The following UAP1 variants were observed in gnomAD, a reference collection of about 807,000 sequenced individuals.
The protein encoded by UAP1 is UDP-N-acetylhexosamine pyrophosphorylase.
UAP1 carries 25 observed loss-of-function variants against 58.5 expected under a neutral mutation model. That is an observed-to-expected ratio of 0.43 (90% CI 0.31 to 0.60). The LOEUF (loss-of-function observed/expected upper bound fraction) is 0.60, where lower values mean the gene tolerates loss of function less well. Among genes scored for constraint, UAP1 ranks in the 20% least tolerant of loss-of-function variants. The probability of loss-of-function intolerance (pLI) is 0.11; values close to 1 mark genes in which losing one functional copy is unlikely to be tolerated. For missense variants in UAP1, 575 were observed against 630.0 expected, an observed-to-expected ratio of 0.91 and a Z score of 0.93; for synonymous variants, 208 against 213.0, an observed-to-expected ratio of 0.98 and a Z score of 0.21.
chr1:162,565,959 C>A, intron 1 of UAP1, 53 bp from the exon 2 acceptor site: 1 of 1,221,354 alleles, frequency 8.2e-7, no homozygotes, highest in Non-Finnish European at 1.1e-6. Context: ...GAAAAAAGCC[C>A]TCAATTTTGG....
intron 5 of UAP1, among the ~76,000 whole-genome samples, chr1:162,582,323 G>T (rs2101793547): frequency 6.6e-6 from 1 of 152,196 alleles, no homozygotes; most frequent in African/African-American, 2.4e-5. Context: ...GAAAAAGGAT[G>T]AAGATAAGGG....
In UAP1 at chr1:162,574,064, A is replaced by T. The variant is rs372313407; in HGVS notation, c.281-2713A>T. 6.2e-4 allele frequency among the ~76,000 whole-genome samples: 93 copies of T among 151,178 alleles called. 1 individual carries two copies. The highest frequency in any genetic ancestry group is 2.3e-3 in the African/African-American group (93 of 41,314). On this transcript the variant is annotated intron_variant, in intron 2 of 10. Transcript: ENST00000271469. ...TAGAGTCAGAACTGGCTCTAAATTT[A>T]TAATGGAGTTATTTTTTTCTTTTCT...
chr1:162,594,299 A>G (rs1282967094), intron 9 of UAP1, among the ~76,000 whole-genome samples: 2 of 152,176 alleles, frequency 1.3e-5, no homozygotes, highest in African/African-American at 2.4e-5. Flanking sequence ...GATCCCTTAC[A>G]TGGGCAGTTC....
intron 5 of UAP1, 28 bp downstream of exon 5, chr1:162,581,487 C>G (rs775533322): frequency 6.2e-7 from 1 of 1,600,994 alleles, no homozygotes; most frequent in Non-Finnish European, 8.5e-7. Flanking sequence ...TATGGTGAGG[C>G]TTTTGATGGT....
intron 2 of UAP1, among the ~76,000 whole-genome samples, chr1:162,569,364 A>G (rs1242283743): frequency 1.3e-5 from 2 of 152,220 alleles, no homozygotes; most frequent in African/African-American, 4.8e-5. Context: ...ACTGGAGTGG[A>G]AAATTATTTA....
chr1:162,562,708 T>C (rs1653234343), intron 1 of UAP1, among the ~76,000 whole-genome samples: 2 of 152,208 alleles, frequency 1.3e-5, no homozygotes, highest in Non-Finnish European at 2.9e-5. Context: ...TGTCTATTCC[T>C]TCACGGTTAG....
downstream of UAP1, among the ~76,000 whole-genome samples, chr1:162,600,403 A>G (rs1172597193): frequency 1.3e-5 from 2 of 152,200 alleles, no homozygotes; most frequent in Admixed American, 6.5e-5. Context: ...AATATGGGCC[A>G]TAGATCATTG....
intron 5 of UAP1, among the ~76,000 whole-genome samples, chr1:162,583,505 T>C (rs1654729099): frequency 6.6e-6 from 1 of 152,020 alleles, no homozygotes. Flanking sequence ...TGTTACGAGC[T>C]TCAGAACCAA....
At chr1:162,582,462 G>T (rs1411263455) in intron 5 of UAP1, among the ~76,000 whole-genome samples, 1 of 152,214 alleles carries the variant, frequency 6.6e-6, no homozygotes, top group African/African-American at 2.4e-5. Flanking sequence ...ACACATCTGT[G>T]TATGTATAAG....
chr1:162,592,552 T>A (rs1655378514), intron 8 of UAP1, among the ~76,000 whole-genome samples, 180 bp from the exon 9 acceptor site: 1 of 151,928 alleles, frequency 6.6e-6, no homozygotes, highest in South Asian at 2.1e-4. Context: ...ATTGTCCTCA[T>A]GTTTCATCTT....
exon 5 of UAP1, chr1:162,581,455 C>T (rs1490564787): frequency 1.2e-6 from 2 of 1,613,296 alleles, no homozygotes; most frequent in Non-Finnish European, 1.7e-6. Context: ...GACTGTGGAG[C>T]AAAGGTAATG....
At chr1:162,592,593 C>T (rs746242964) in intron 8 of UAP1, 139 bp from the exon 9 acceptor site, 7 of 636,090 alleles carry the variant, frequency 1.1e-5, no homozygotes, top group Non-Finnish European at 2.0e-5. Flanking sequence ...TATTTTTTTA[C>T]CCCCTTTTGG....
intron 3 of UAP1, among the ~76,000 whole-genome samples, chr1:162,577,980 C>A (rs565485661): frequency 2.2e-4 from 34 of 152,146 alleles, no homozygotes; most frequent in Admixed American, 8.5e-4. Context: ...AGCTGCCCCC[C>A]TCGACCTCCC....
chr1:162,566,137 T>C, exon 2 of UAP1: 1 of 1,613,600 alleles, frequency 6.2e-7, no homozygotes. Context: ...GTTTCTGGAA[T>C]GAGCTTGAAG....
At chr1:162,584,934 A>C (rs188636003) in intron 5 of UAP1, among the ~76,000 whole-genome samples, 6 of 152,344 alleles carry the variant, frequency 3.9e-5, no homozygotes, top group East Asian at 1.9e-4. Context: ...TTTGTAAAGC[A>C]ATTATAGTAA....
intron 1 of UAP1, among the ~76,000 whole-genome samples, chr1:162,563,583 T>C (rs1422983166): frequency 6.6e-6 from 1 of 152,170 alleles, no homozygotes; most frequent in African/African-American, 2.4e-5. Context: ...CAGAATGGTC[T>C]CCATCTCTTG....
At chr1:162,591,335 G>A (rs1221381255) in intron 8 of UAP1, among the ~76,000 whole-genome samples, 1 of 152,168 alleles carries the variant, frequency 6.6e-6, no homozygotes, top group Non-Finnish European at 1.5e-5. Context: ...GCACTTTCAG[G>A]TCACTGAGGA....
chr1:162,569,321 G>A (rs1653715835), intron 2 of UAP1, among the ~76,000 whole-genome samples: 1 of 152,176 alleles, frequency 6.6e-6, no homozygotes, highest in African/African-American at 2.4e-5. Context: ...AAAGTATCTG[G>A]TGGTTATTCA....
intron 2 of UAP1, among the ~76,000 whole-genome samples, chr1:162,568,460 A>G (rs946131039): frequency 5.3e-5 from 8 of 152,326 alleles, no homozygotes; most frequent in African/African-American, 1.4e-4. Flanking sequence ...TGATCTTTAC[A>G]TGAGGTTTTA....
Sources: allele counts gnomAD v4.1 joint callset (sites outside exome capture counted in the v4.1 genomes callset), GRCh38; gene constraint gnomAD v4.1.1; transcripts MANE v1.5; gene names NCBI Gene and HGNC (gene_info 2026-07-23, HGNC 2026-07-21).